Variants in NHEJ1 observed in about 807,000 individuals in gnomAD.
The protein encoded by NHEJ1 is non-homologous end-joining factor 1.
In NHEJ1, 22 loss-of-function variants were observed where a neutral mutation model predicts 39.4. That is an observed-to-expected ratio of 0.56 (90% CI 0.40 to 0.80). NHEJ1 has a LOEUF of 0.80. NHEJ1 is among the 30% of genes least tolerant of loss of function. The pLI, the probability that NHEJ1 is intolerant of heterozygous loss-of-function variation, is 0.00. For missense variants in NHEJ1, 329 were observed against 357.1 expected (o/e 0.92, Z 0.63); for synonymous variants, 154 against 135.6 (o/e 1.14, Z -0.94).
rs1948962419 is a variant in NHEJ1 at position 219,072,122 on chromosome 2, C to T, written c.*4259G>A. On this transcript the variant is annotated 3_prime_UTR_variant, in exon 8 of 8. Coordinates refer to ENST00000356853, the MANE Select transcript of NHEJ1 (RefSeq NM_024782.3). ...CTCTTCCTCACATAAGACAAGCTAC[C>T]TCATACCCTCCATGCACTGGATGTT... 6.6e-6 allele frequency among the ~76,000 whole-genome samples: 1 copy of T among 152,166 alleles called. No homozygotes were observed. Among genetic ancestry groups the T allele is most frequent in the African/African-American group, 2.4e-5 (1 of 41,428 alleles).
chr2:219,157,339 T>C, intron 3 of NHEJ1, 133 bp downstream of exon 3: 1 of 745,556 alleles, frequency 1.3e-6, no homozygotes, highest in South Asian at 1.5e-5. Flanking sequence ...TTTTGCCTTC[T>C]GTTTAGTCAA....
At chr2:219,121,521 C>T (rs17574343) in intron 5 of NHEJ1, among the ~76,000 whole-genome samples, 17,425 of 152,084 alleles carry the variant, frequency 0.11, 1,400 homozygotes, top group Non-Finnish European at 0.17. Flanking sequence ...TTAAGGCCCC[C>T]GTGCATCTTT....
chr2:219,153,528 T>C (rs1319372218), intron 3 of NHEJ1, among the ~76,000 whole-genome samples: 1 of 152,212 alleles, frequency 6.6e-6, no homozygotes, highest in Non-Finnish European at 1.5e-5. Flanking sequence ...TAAATGAAGA[T>C]GGACTCAGTG....
chr2:219,139,709 C>T (rs948422349), intron 5 of NHEJ1, among the ~76,000 whole-genome samples: 2 of 152,088 alleles, frequency 1.3e-5, no homozygotes, highest in African/African-American at 2.4e-5. Context: ...CAGAGTCTCG[C>T]TCTTTCGCCC....
At chr2:219,112,025 C>G (rs1018729629) in intron 5 of NHEJ1, among the ~76,000 whole-genome samples, 8 of 152,100 alleles carry the variant, frequency 5.3e-5, no homozygotes, top group African/African-American at 1.7e-4. Flanking sequence ...GCAAATAAGG[C>G]AGTCTCTGAA....
At chr2:219,155,353 T>C (rs1949843105) in intron 3 of NHEJ1, among the ~76,000 whole-genome samples, 2 of 151,996 alleles carry the variant, frequency 1.3e-5, no homozygotes, top group Admixed American at 1.3e-4. Flanking sequence ...TTGCTTGAGG[T>C]GAGGAATTCG....
chr2:219,145,992 C>T (rs1044589921), intron 5 of NHEJ1, among the ~76,000 whole-genome samples: 5 of 150,216 alleles, frequency 3.3e-5, no homozygotes, highest in African/African-American at 1.2e-4. Context: ...ACTAACTGTA[C>T]AACCAACAAG....
rs147085003 is a variant in NHEJ1, at chr2:219,095,239, G to A, written c.589-17033C>T. ...TGGCTTTTGTAAGATCTGTGAGACA[G>A]TATGTCAGGGAAGACAATGGAAACA... On this transcript the variant is annotated intron_variant, in intron 5 of 7. Transcript: ENST00000356853. The A allele has an allele frequency of 8.4e-4, 393 of 467,056 alleles. 1 individual carries two copies. The highest frequency in any genetic ancestry group is 7.3e-3 in the African/African-American group (366 of 49,998). 28.9% of individuals were successfully genotyped at this position (467,056 alleles called of 1,614,324 possible).
intron 5 of NHEJ1, among the ~76,000 whole-genome samples, chr2:219,138,472 T>A (rs1949658763): frequency 6.6e-6 from 1 of 152,252 alleles, no homozygotes. Context: ...GCTGGCCTAT[T>A]CATAAGAGGA....
At position 219,074,766 on chromosome 2, in the gene NHEJ1, G is replaced by A. The variant is rs1948996991; in HGVS notation, c.*1615C>T. On this transcript the variant is annotated 3_prime_UTR_variant, in exon 8 of 8. Coordinates refer to ENST00000356853, the MANE Select transcript of NHEJ1 (RefSeq NM_024782.3). The stretch of plus-strand genomic sequence containing the variant: ...AAAAAAAAAAAAAAGTAACAAAAGA[G>A]CAAAGTAAGCCAGCTGATAGGCTGT... Among the ~76,000 whole-genome samples the A allele has an allele frequency of 6.6e-6, 1 of 151,568 alleles. No individual in the cohort carries two copies. Among genetic ancestry groups the A allele is most frequent in the Non-Finnish European group, 1.5e-5 (1 of 67,894 alleles).
chr2:219,125,123 T>A (rs370827112), intron 5 of NHEJ1, among the ~76,000 whole-genome samples: 4 of 145,890 alleles, frequency 2.7e-5, no homozygotes, highest in Non-Finnish European at 3.0e-5. Context: ...CTTTGGAAAT[T>A]AAAAAAAAAA....
intron 5 of NHEJ1, among the ~76,000 whole-genome samples, chr2:219,141,020 C>T (rs1001746341): frequency 6.6e-6 from 1 of 152,134 alleles, no homozygotes; most frequent in African/African-American, 2.4e-5. Flanking sequence ...ACTACAAATT[C>T]AACTGCAGGG....
intron 5 of NHEJ1, among the ~76,000 whole-genome samples, chr2:219,133,788 G>A (rs1949599957): frequency 6.6e-6 from 1 of 152,218 alleles, no homozygotes; most frequent in Non-Finnish European, 1.5e-5. Flanking sequence ...CTGGAAGTAT[G>A]CAGAAATCTA....
intron 5 of NHEJ1, among the ~76,000 whole-genome samples, chr2:219,143,329 C>T (rs1346178612): frequency 1.3e-5 from 2 of 152,050 alleles, no homozygotes; most frequent in Non-Finnish European, 2.9e-5. Context: ...TTCTACAGCC[C>T]CAGTAGGAAA....
chr2:219,145,043 C>T (rs761319957), intron 5 of NHEJ1, among the ~76,000 whole-genome samples: 1 of 152,060 alleles, frequency 6.6e-6, no homozygotes, highest in Admixed American at 6.6e-5. Context: ...GGCGAAACCC[C>T]GTTTCTACTA....
At chr2:219,157,775 A>G in intron 2 of NHEJ1, 91 bp from the exon 3 acceptor site, 1 of 1,004,740 alleles carries the variant, frequency 1.0e-6, no homozygotes, top group Non-Finnish European at 1.5e-6. Flanking sequence ...GGTTAACACG[A>G]AGGCAATGGA....
intron 5 of NHEJ1, among the ~76,000 whole-genome samples, chr2:219,126,089 T>G (rs1445851478): frequency 6.6e-6 from 1 of 152,248 alleles, no homozygotes; most frequent in Non-Finnish European, 1.5e-5. Context: ...TTCCTTGACC[T>G]TCTGTGTAAT....
intron 1 of NHEJ1, among the ~76,000 whole-genome samples, chr2:219,159,576 C>CATATATATATGCAT (rs1559206361): frequency 3.0e-4 from 21 of 68,968 alleles, no homozygotes; most frequent in East Asian, 1.8e-3. Context: ...TATATATATG[C>CATATATATATGCAT]ATATATATAT....
Position 219,119,152 on chromosome 2 carries a change from G to A in NHEJ1, c.588+27528C>T, listed in dbSNP as rs151302490. Among the ~76,000 whole-genome samples the A allele has an allele frequency of 3.2e-4, 48 of 152,204 alleles. 1 individual carries two copies. The South Asian group carries it at 8.9e-3, about 28-fold the overall frequency. ...CCCTTAACCCCACTCCCAGTCTCCC[G>A]GAGAAATAAGAGTTGGGGGCAAGTG... is the stretch of plus-strand genomic sequence containing the variant. On this transcript the variant is annotated intron_variant, in intron 5 of 7. Transcript: ENST00000356853.
Sources: allele counts gnomAD v4.1 joint callset (sites outside exome capture counted in the v4.1 genomes callset), GRCh38; gene constraint gnomAD v4.1.1; transcripts MANE v1.5; gene names NCBI Gene and HGNC (gene_info 2026-07-23, HGNC 2026-07-21).